The following PNOC variants were observed in gnomAD, a reference collection of about 807,000 sequenced individuals.
The protein encoded by PNOC is nociceptin.
A neutral mutation model predicts 15.6 loss-of-function variants in PNOC; 10 were observed. The ratio of observed to expected loss-of-function variants is 0.64; its 90% confidence interval spans 0.40 to 1.09. The LOEUF (loss-of-function observed/expected upper bound fraction) is 1.09, where lower values mean the gene tolerates loss of function less well. PNOC is among the 50% of genes least tolerant of loss of function. The probability of loss-of-function intolerance (pLI) is 0.01; values close to 1 mark genes in which losing one functional copy is unlikely to be tolerated. For synonymous variants in PNOC, 98 were observed against 88.5 expected, an observed-to-expected ratio of 1.11 and a Z score of -0.60; for missense variants, 220 against 223.9, an observed-to-expected ratio of 0.98 and a Z score of 0.11.
At chr8:28,333,263 C>A (rs1801357293) in intron 2 of PNOC, among the ~76,000 whole-genome samples, 2 of 152,316 alleles carry the variant, frequency 1.3e-5, no homozygotes, top group Admixed American at 6.5e-5. Flanking sequence ...GTACCCTAAT[C>A]TTTGAGCCCA....
intron 2 of PNOC, 56 bp from the exon 3 acceptor site, chr8:28,338,984 C>T: frequency 6.8e-7 from 1 of 1,461,668 alleles, no homozygotes; most frequent in South Asian, 1.3e-5. Flanking sequence ...CTCCCTCGCC[C>T]TGGATTAACA....
In PNOC at chr8:28,339,488, ATGAG is replaced by A; in HGVS notation, c.*47+3_*47+6del. 1 of 1,498,400 alleles carries A rather than the reference ATGAG, an allele frequency of 6.7e-7. No individual in the cohort carries two copies. The highest frequency in any genetic ancestry group is 8.9e-7 in the Non-Finnish European group (1 of 1,125,570). 92.8% of individuals were successfully genotyped at this position (1,498,400 alleles called of 1,614,324 possible). The stretch of plus-strand genomic sequence containing the variant: ...CCAGCTGTACCGGCCACTGCAACCC[ATGAG>A]TGAGTTGGGCACCAATAAGCTGGGG... On this transcript the variant is annotated splice_donor_variant and 3_prime_UTR_variant, in exon 3 of 4. Coordinates refer to ENST00000301908, the MANE Select transcript of PNOC (RefSeq NM_006228.5). LOFTEE classifies it low-confidence loss of function (3UTR_SPLICE).
intron 1 of PNOC, among the ~76,000 whole-genome samples, chr8:28,326,648 T>C (rs1221301622): frequency 6.6e-5 from 10 of 151,994 alleles, no homozygotes; most frequent in Non-Finnish European, 1.5e-4. Context: ...GATCACAAGG[T>C]CAGGAGTTCG....
At chr8:28,331,779 T>C (rs994585453) in intron 2 of PNOC, among the ~76,000 whole-genome samples, 16 of 152,160 alleles carry the variant, frequency 1.1e-4, no homozygotes, top group African/African-American at 3.4e-4. Flanking sequence ...TCCTTCCTCA[T>C]GTTCTGATTG....
chr8:28,329,522 T>C (rs2129871187), intron 2 of PNOC, among the ~76,000 whole-genome samples: 1 of 152,300 alleles, frequency 6.6e-6, no homozygotes, highest in Non-Finnish European at 1.5e-5. Flanking sequence ...GCCAGGTCAT[T>C]CCCAGGATTA....
intron 3 of PNOC, chr8:28,340,244 G>C (rs984649630): frequency 6.6e-6 from 1 of 152,244 alleles, no homozygotes; most frequent in Non-Finnish European, 1.5e-5. Flanking sequence ...TCTTTCCAGC[G>C]TGCCATTTTT....
At chr8:28,334,049 AACACACACACACAC>A (rs71678743) in intron 2 of PNOC, among the ~76,000 whole-genome samples, 1,824 of 146,762 alleles carry the variant, frequency 0.012, 41 homozygotes, top group African/African-American at 0.041. Flanking sequence ...AGGTGCCAGT[AACACACACACACAC>A]ACACACACAC....
chr8:28,318,292 A>G (rs919771165), intron 1 of PNOC, among the ~76,000 whole-genome samples: 1 of 152,164 alleles, frequency 6.6e-6, no homozygotes, highest in African/African-American at 2.4e-5. Flanking sequence ...GAAATGGACT[A>G]TTTAAAGCAA....
At chr8:28,334,173 T>C (rs905490390) in intron 2 of PNOC, among the ~76,000 whole-genome samples, 1 of 152,176 alleles carries the variant, frequency 6.6e-6, no homozygotes, top group Non-Finnish European at 1.5e-5. Context: ...GATCCACGCC[T>C]GTAGAGTACT....
At chr8:28,338,757 A>C (rs1801457687) in intron 2 of PNOC, 2 of 1,149,226 alleles carry the variant, frequency 1.7e-6, no homozygotes, top group Admixed American at 8.5e-5. Context: ...TCCTGTGTTA[A>C]CTTCCTATGT....
intron 1 of PNOC, among the ~76,000 whole-genome samples, chr8:28,328,059 CTTTTTTT>C (rs67204932): frequency 1.8e-4 from 15 of 82,106 alleles, no homozygotes; most frequent in African/African-American, 6.0e-4. Flanking sequence ...CTCTCTCTCT[CTTTTTTT>C]TTTTTTTTTT....
intron 2 of PNOC, among the ~76,000 whole-genome samples, chr8:28,330,504 C>G (rs1801313474): frequency 1.4e-5 from 2 of 146,940 alleles, no homozygotes; most frequent in Non-Finnish European, 3.0e-5. Context: ...ATGCCATTCT[C>G]CTGCCTCAGC....
In PNOC at chr8:28,342,297, G is replaced by C. The variant is rs1306370932; in HGVS notation, c.*48-645G>C. Among the ~76,000 whole-genome samples the C allele has an allele frequency of 7.4e-5, 11 of 148,004 alleles. No homozygotes were observed. The Admixed American group carries it at 7.5e-4, about 10-fold the overall frequency. On this transcript the variant is annotated intron_variant, in intron 3 of 3. Coordinates refer to ENST00000301908, the MANE Select transcript of PNOC (RefSeq NM_006228.5). ...GAACCCAGGAGGCGGAGGTTGCAGTGAGCCGAGATTGTGCACATTGCACTC... is the reference window on the plus strand; with the variant it reads ...GAACCCAGGAGGCGGAGGTTGCAGTCAGCCGAGATTGTGCACATTGCACTC...
chr8:28,329,307 G>A, intron 2 of PNOC, 24 bp downstream of exon 2: 5 of 1,610,594 alleles, frequency 3.1e-6, no homozygotes, highest in Non-Finnish European at 4.2e-6. Flanking sequence ...GCAAGGCAGA[G>A]AGGCTGTCCT....
chr8:28,336,130 T>A (rs1376231003), intron 2 of PNOC, among the ~76,000 whole-genome samples: 2 of 152,196 alleles, frequency 1.3e-5, no homozygotes, highest in African/African-American at 4.8e-5. Context: ...CCTTCTTTTA[T>A]ACTCTTAGCT....
intron 2 of PNOC, among the ~76,000 whole-genome samples, chr8:28,331,858 C>T (rs1343601745): frequency 1.3e-5 from 2 of 152,164 alleles, no homozygotes; most frequent in African/African-American, 4.8e-5. Context: ...ATCTGGGTAT[C>T]CCAGCACTCA....
chr8:28,329,109 A>G, intron 1 of PNOC, 26 bp from the exon 2 acceptor site: 2 of 1,609,304 alleles, frequency 1.2e-6, no homozygotes, highest in Non-Finnish European at 1.7e-6. Context: ...GGCTGTACTC[A>G]TTGCCATGCT....
chr8:28,337,931 A>G (rs1292271893), intron 2 of PNOC, among the ~76,000 whole-genome samples: 1 of 152,162 alleles, frequency 6.6e-6, no homozygotes, highest in African/African-American at 2.4e-5. Context: ...TATGGCTCCA[A>G]GGAAGCTTGG....
At chr8:28,342,604 A>G (rs1162156440) in intron 3 of PNOC, among the ~76,000 whole-genome samples, 1 of 152,172 alleles carries the variant, frequency 6.6e-6, no homozygotes, top group Non-Finnish European at 1.5e-5. Flanking sequence ...AGGCTCAAAG[A>G]GCACTTGCAA....
Sources: gnomAD v4.1 joint callset for allele counts (sites outside exome capture counted in the v4.1 genomes callset) on GRCh38, gnomAD v4.1.1 for gene constraint, MANE v1.5 for transcripts, NCBI Gene and HGNC (gene_info 2026-07-23, HGNC 2026-07-21) for gene names.